The following DIS3L2 variants were observed in gnomAD, a reference collection of about 807,000 sequenced individuals.
DIS3L2 encodes DIS3-like exonuclease 2.
In DIS3L2, 34 loss-of-function variants were observed where a neutral mutation model predicts 97.5. The observed-to-expected ratio is 0.35, with a 90% CI of 0.27 to 0.46. The LOEUF (loss-of-function observed/expected upper bound fraction) is 0.46. DIS3L2 is among the 20% of genes least tolerant of loss of function. The pLI is 1.00. For synonymous variants in DIS3L2, 435 were observed against 445.2 expected (o/e 0.98, Z 0.29); for missense variants, 1,038 against 1,146.0 (o/e 0.91, Z 1.36).
chr2:232,198,128 C>T (rs1233390733), intron 9 of DIS3L2, among the ~76,000 whole-genome samples: 1 of 152,088 alleles, frequency 6.6e-6, no homozygotes, highest in Non-Finnish European at 1.5e-5. Flanking sequence ...TGACCTTGAG[C>T]AAGTTACTTA....
At chr2:232,217,202 G>C (rs1477592394) in intron 10 of DIS3L2, among the ~76,000 whole-genome samples, 1 of 152,120 alleles carries the variant, frequency 6.6e-6, no homozygotes, top group Non-Finnish European at 1.5e-5. Flanking sequence ...TGCTGATGAG[G>C]GATCACACCT....
At chr2:232,186,526 A>G (rs1423513865) in intron 9 of DIS3L2, among the ~76,000 whole-genome samples, 1 of 152,246 alleles carries the variant, frequency 6.6e-6, no homozygotes, top group African/African-American at 2.4e-5. Context: ...TGAAAATACA[A>G]TAGGAGAGAA....
chr2:232,329,796 C>A lies in DIS3L2; in HGVS notation c.1740-17C>A. 11 of 425,664 alleles carry A rather than the reference C, an allele frequency of 2.6e-5. No individual in the cohort carries two copies. Among genetic ancestry groups the A allele is most frequent in the East Asian group, 7.7e-5 (1 of 12,994 alleles). 26.4% of individuals were successfully genotyped at this position (425,664 alleles called of 1,614,324 possible). ...CCAAACCCCAGCGGTCCCTCCCATC[C>A]CACCCACCCTCTGCAGGCTCGTGGA... On this transcript the variant is annotated splice_polypyrimidine_tract_variant and intron_variant, in intron 14 of 20. Coordinates refer to ENST00000325385, the MANE Select transcript of DIS3L2 (RefSeq NM_152383.5).
chr2:232,070,725 C>G (rs1003116626), intron 5 of DIS3L2, among the ~76,000 whole-genome samples: 2 of 152,030 alleles, frequency 1.3e-5, no homozygotes, highest in Admixed American at 1.3e-4. Flanking sequence ...GCTGGGACTA[C>G]AGGCGCGTAC....
chr2:232,238,456 A>C, intron 10 of DIS3L2, 77 bp from the exon 11 acceptor site: 2 of 1,239,950 alleles, frequency 1.6e-6, no homozygotes, highest in South Asian at 2.6e-5. Context: ...AGTGACATAC[A>C]TTCTAGGAAA....
intron 14 of DIS3L2, among the ~76,000 whole-genome samples, chr2:232,326,277 T>C (rs2678493): frequency 1.6e-4 from 24 of 151,170 alleles, no homozygotes; most frequent in African/African-American, 4.4e-4. Context: ...GAGCCCTGAC[T>C]CCCACCTTCC....
chr2:232,342,730 C>T (rs1401529899), intron 13 of DIS3L2, among the ~76,000 whole-genome samples: 3 of 152,194 alleles, frequency 2.0e-5, no homozygotes, highest in Non-Finnish European at 4.4e-5. Context: ...GCAGTCATGG[C>T]AGTGACAAAT....
Position 232,270,870 on chromosome 2 carries a change from C to CTCTCTCTCTCTT in DIS3L2, c.1659+7441_1659+7442insTTCTCTCTCTCT, listed in dbSNP as rs1321881206. On this transcript the variant is annotated intron_variant, in intron 13 of 20. Coordinates refer to ENST00000325385, the MANE Select transcript of DIS3L2 (RefSeq NM_152383.5). The stretch of plus-strand genomic sequence containing the variant: ...CGCTCTCTTTTTCTCGTCTCTCTCT[C>CTCTCTCTCTCTT]TCTCTCTCTCTCTCTCTCTCTCTCT... Among the ~76,000 whole-genome samples, 407 of 75,474 alleles carry CTCTCTCTCTCTT rather than the reference C, an allele frequency of 5.4e-3. 11 individuals carry two copies. The highest frequency in any genetic ancestry group is 0.014 in the African/African-American group (208 of 14,584). 49.5% of individuals were successfully genotyped at this position (75,474 alleles called of 152,430 possible). A position where few individuals can be genotyped will look rare whatever the true frequency, so the allele number is the denominator to read the frequency against.
intron 9 of DIS3L2, among the ~76,000 whole-genome samples, chr2:232,167,422 CTTTA>C (rs1378539050): frequency 3.3e-5 from 5 of 151,996 alleles, no homozygotes; most frequent in Admixed American, 2.6e-4. Flanking sequence ...GAATAATATT[CTTTA>C]TTTATTAAAA....
chr2:232,287,270 T>A (rs1694459061), intron 13 of DIS3L2, among the ~76,000 whole-genome samples: 1 of 152,134 alleles, frequency 6.6e-6, no homozygotes, highest in African/African-American at 2.4e-5. Flanking sequence ...TCTTAAATGA[T>A]TTTCAACTGT....
intron 11 of DIS3L2, among the ~76,000 whole-genome samples, chr2:232,248,792 T>G (rs573254198): frequency 1.3e-5 from 2 of 152,360 alleles, no homozygotes; most frequent in East Asian, 3.9e-4. Flanking sequence ...TACGGTATAT[T>G]CAGTTACTAA....
chr2:232,127,627 A>G (rs1239131476), intron 6 of DIS3L2, among the ~76,000 whole-genome samples: 2 of 152,118 alleles, frequency 1.3e-5, no homozygotes, highest in African/African-American at 2.4e-5. Context: ...TTGTACTTAA[A>G]TTCTGGCTTC....
intron 5 of DIS3L2, among the ~76,000 whole-genome samples, chr2:232,041,158 A>G (rs1695101083): frequency 1.3e-5 from 2 of 152,158 alleles, no homozygotes; most frequent in Admixed American, 1.3e-4. Flanking sequence ...GGTGTTGAGA[A>G]TGAGGGAGAA....
Position 232,014,821 on chromosome 2 carries a change from C to T in DIS3L2, c.-93-14C>T. 1 of 1,248,392 alleles carries T rather than the reference C, an allele frequency of 8.0e-7. No individual in the cohort carries two copies. Among genetic ancestry groups the T allele is most frequent in the South Asian group, 1.4e-5 (1 of 71,844 alleles). 77.3% of individuals were successfully genotyped at this position (1,248,392 alleles called of 1,614,324 possible). ...TTAACCGCTCTCCAATTACCAATCT[C>T]TTCTTGGTTTCAGCGAATGACAACA... On this transcript the variant is annotated splice_polypyrimidine_tract_variant and intron_variant, in intron 1 of 20. Coordinates refer to ENST00000325385, the MANE Select transcript of DIS3L2 (RefSeq NM_152383.5).
chr2:232,338,137 GGAGAGCCCCAA>G (rs1696024638), downstream of DIS3L2, among the ~76,000 whole-genome samples: 3 of 146,234 alleles, frequency 2.1e-5, no homozygotes, highest in African/African-American at 5.6e-5. Context: ...GCCCCAAACA[GGAGAGCCCCAA>G]ACAGGAAGGA....
chr2:232,247,163 A>G (rs1019891768), intron 11 of DIS3L2, among the ~76,000 whole-genome samples: 2 of 152,214 alleles, frequency 1.3e-5, no homozygotes, highest in African/African-American at 4.8e-5. Flanking sequence ...CATTGCAACA[A>G]GCATGCTGGG....
chr2:232,208,721 A>G (rs1432969352), intron 9 of DIS3L2, among the ~76,000 whole-genome samples: 1 of 152,102 alleles, frequency 6.6e-6, no homozygotes, highest in African/African-American at 2.4e-5. Context: ...CTGGTTATCC[A>G]TTTACCATTT....
rs1466095079 is a variant in DIS3L2 at position 232,336,312 on chromosome 2, C to T, written c.2497-157C>T. 4 of 1,547,364 alleles carry T rather than the reference C, an allele frequency of 2.6e-6. No homozygotes were observed. In the Admixed American group the frequency reaches 5.9e-5, roughly 23 times the overall value. On this transcript the variant is annotated intron_variant, in intron 20 of 20. Coordinates refer to ENST00000325385, the MANE Select transcript of DIS3L2 (RefSeq NM_152383.5). ...TCCCCAACTCTGCCCTGACCCAGGG[C>T]ATTCTTCCTGGAGGGGGCCCCCATT...
chr2:232,087,812 C>A, intron 6 of DIS3L2, 91 bp downstream of exon 6: 3 of 1,032,968 alleles, frequency 2.9e-6, no homozygotes, highest in South Asian at 1.6e-5. Flanking sequence ...TAACACAATG[C>A]CATTGATATA....
Sources: gnomAD v4.1 joint callset for allele counts (sites outside exome capture counted in the v4.1 genomes callset) on GRCh38, gnomAD v4.1.1 for gene constraint, MANE v1.5 for transcripts, NCBI Gene and HGNC (gene_info 2026-07-23, HGNC 2026-07-21) for gene names.